Variants in ZNF644 observed in about 807,000 individuals in gnomAD.
ZNF644 encodes zinc finger motif enhancer binding protein 2.
Under a neutral mutation model 108.0 loss-of-function variants are expected in ZNF644, and 20 were observed. The observed-to-expected ratio is 0.19, with a 90% confidence interval of 0.13 to 0.27. The LOEUF (loss-of-function observed/expected upper bound fraction) is 0.27. Ranked by LOEUF, ZNF644 falls within the 10% of genes least tolerant of loss-of-function variation. ZNF644 has a pLI of 1.00. For missense variants in ZNF644, 1,338 were observed against 1,548.9 expected (o/e 0.86, Z 2.29); for synonymous variants, 542 against 539.1 (o/e 1.01, Z -0.08).
In ZNF644 at chr1:90,940,939, T is replaced by C. The variant is rs773058520; in HGVS notation, c.415A>G (p.Thr139Ala). ...SNMNKGSVSL[T>A]TGQPVDQPTT... ...GGCTGATCCACAGGCTGTCCAGTGG[T>C]TAATGAAACACTGCCTTTATTCATA... The change falls in exon 3 of 6, where the codon ACC becomes GCC. Residue 139 changes from threonine to alanine, a missense_variant. By Grantham distance (58) the Thr-to-Ala change is moderately conservative. Transcript: ENST00000337393. The C allele has an allele frequency of 1.2e-6, 2 of 1,613,948 alleles. No individual in the cohort carries two copies. Among genetic ancestry groups the C allele is most frequent in the African/African-American group, 2.7e-5 (2 of 74,906 alleles).
At chr1:90,964,325 T>C (rs1570448378) in intron 2 of ZNF644, among the ~76,000 whole-genome samples, 1 of 152,138 alleles carries the variant, frequency 6.6e-6, no homozygotes, top group East Asian at 1.9e-4. Flanking sequence ...TTTCTAATAT[T>C]AAAAATCTAT....
At chr1:90,972,886 G>C (rs1375566876) in intron 2 of ZNF644, 1 of 152,172 alleles carries the variant, frequency 6.6e-6, no homozygotes, top group African/African-American at 2.4e-5. Flanking sequence ...ATATGATTCT[G>C]CTTATGAGAC....
chr1:90,982,515 A>T, intron 1 of ZNF644, 145 bp from the exon 2 acceptor site: 1 of 610,934 alleles, frequency 1.6e-6, no homozygotes, highest in Non-Finnish European at 2.9e-6. Flanking sequence ...ATTCAACCAG[A>T]ATACCATCAT....
intron 1 of ZNF644, chr1:91,021,643 C>CG (rs984151869): frequency 7.0e-6 from 1 of 142,772 alleles, no homozygotes; most frequent in Admixed American, 6.9e-5. Context: ...AGCCCCCCCC[C>CG]CATCCCCCCG....
rs562717573 is a variant in ZNF644, at chr1:90,987,078, C to A, written c.-17-4708G>T. Among the ~76,000 whole-genome samples the A allele has an allele frequency of 3.0e-4, 42 of 141,046 alleles. 1 individual carries two copies. Among genetic ancestry groups the A allele is most frequent in the Admixed American group, 1.1e-3 (16 of 14,336 alleles). The allele number at this position is 141,046 out of a possible 152,430, so 92.5% of individuals were successfully genotyped here. A position where few individuals can be genotyped will look rare whatever the true frequency, so the allele number is the denominator to read the frequency against. ...CTTACATGTTTAAAAAAAAAAAAAA[C>A]CCACAAATCAACAACCTAACTTTAT... On this transcript the variant is annotated intron_variant, in intron 1 of 5. Transcript: ENST00000337393.
At chr1:91,012,903 T>A (rs948195905) in intron 1 of ZNF644, among the ~76,000 whole-genome samples, 2 of 152,158 alleles carry the variant, frequency 1.3e-5, no homozygotes, top group Non-Finnish European at 2.9e-5. Flanking sequence ...TTTTCTCAAT[T>A]CTCATCCTTC....
At chr1:90,984,435 C>CTT (rs111725394) in intron 1 of ZNF644, among the ~76,000 whole-genome samples, 2 of 144,794 alleles carry the variant, frequency 1.4e-5, no homozygotes, top group African/African-American at 2.5e-5. Flanking sequence ...TGACTGGTGT[C>CTT]TTTTTTTTTT....
intron 1 of ZNF644, among the ~76,000 whole-genome samples, chr1:90,987,463 T>C (rs749345262): frequency 1.3e-5 from 2 of 151,884 alleles, no homozygotes; most frequent in Non-Finnish European, 2.9e-5. Context: ...AATGTACACC[T>C]AGCAAAACGA....
chr1:90,934,639 T>A (rs923627392), intron 4 of ZNF644, among the ~76,000 whole-genome samples: 1 of 152,136 alleles, frequency 6.6e-6, no homozygotes, highest in Admixed American at 6.6e-5. Flanking sequence ...ATCTGCAAGG[T>A]TGGGCTAACC....
chr1:90,940,540 T>C lies in ZNF644; in HGVS notation c.814A>G (p.Asn272Asp), dbSNP rs771569791. ...GGAGCTTTATCTACTGTTTCCTCAT[T>C]AGTCATAAGAAATTGAATGAACTCT... ...QKEFIQFLMT[N>D]EETVDKAPPH... Residue 272 changes from asparagine (N) to aspartate (D), a missense_variant, in exon 3 of 6, where the codon AAT becomes GAT. Asn to Asp is a conservative substitution (Grantham distance 23). Around this residue, in one of 6 missense-constraint regions of ZNF644, gnomAD observed 464 missense variants for 457.9 expected, o/e 1.01. Transcript: ENST00000337393. The C allele has an allele frequency of 6.2e-7, 1 of 1,614,008 alleles. No individual in the cohort carries two copies. Among genetic ancestry groups the C allele is most frequent in the Non-Finnish European group, 8.5e-7 (1 of 1,179,960 alleles).
At chr1:90,937,133 T>C (rs557746689) in intron 4 of ZNF644, among the ~76,000 whole-genome samples, 1 of 152,286 alleles carries the variant, frequency 6.6e-6, no homozygotes, top group South Asian at 2.1e-4. Flanking sequence ...TGCTATGCTT[T>C]TGAACATCAA....
chr1:91,012,378 T>G (rs1336890366), intron 1 of ZNF644, among the ~76,000 whole-genome samples: 4 of 149,984 alleles, frequency 2.7e-5, no homozygotes, highest in Non-Finnish European at 5.9e-5. Flanking sequence ...CTCAGGAAGC[T>G]GAAGGAGGAG....
chr1:90,946,959 ACTAAATATAAT>A (rs1170870042), intron 2 of ZNF644, among the ~76,000 whole-genome samples: 2 of 152,308 alleles, frequency 1.3e-5, no homozygotes, highest in Non-Finnish European at 2.9e-5. Flanking sequence ...TATAGTAAAT[ACTAAATATAAT>A]CTAACACATC....
chr1:90,930,812 C>T (rs2100866666), intron 4 of ZNF644, among the ~76,000 whole-genome samples: 1 of 152,274 alleles, frequency 6.6e-6, no homozygotes, highest in Non-Finnish European at 1.5e-5. Context: ...CAAAAGATAA[C>T]AACATGCTAT....
At chr1:91,011,873 C>A (rs1659983578) in intron 1 of ZNF644, among the ~76,000 whole-genome samples, 1 of 152,154 alleles carries the variant, frequency 6.6e-6, no homozygotes, top group South Asian at 2.1e-4. Flanking sequence ...CTGGAAGCTA[C>A]CATCAAAGAG....
intron 1 of ZNF644, chr1:91,021,708 AG>A (rs1297143355): frequency 3.2e-5 from 3 of 93,710 alleles, no homozygotes; most frequent in Non-Finnish European, 5.8e-5. Context: ...CGTGGCCCCC[AG>A]CGACCGCCGC....
intron 1 of ZNF644, among the ~76,000 whole-genome samples, chr1:91,004,879 T>C (rs1476682727): frequency 6.6e-6 from 1 of 152,056 alleles, no homozygotes; most frequent in African/African-American, 2.4e-5. Flanking sequence ...CTTGAAAATA[T>C]CTATTTAACA....
chr1:90,995,281 TAG>T (rs1658043207), intron 1 of ZNF644, among the ~76,000 whole-genome samples: 2 of 151,786 alleles, frequency 1.3e-5, no homozygotes, highest in African/African-American at 4.8e-5. Flanking sequence ...AACAGAAGAT[TAG>T]AGATAGCAGA....
chr1:90,938,316 A>T lies in ZNF644; in HGVS notation c.3038T>A (p.Phe1013Tyr). ...AGGTGTTCCTGTGCCAGTTCTTTTG[A>T]AATGCTGCATTTTGTCACTTGTGGC... ...QIATSDKMQH[F>Y]KRTGTGTPVK... Residue 1013 changes from phenylalanine (F) to tyrosine (Y), a missense_variant, in exon 3 of 6, where the codon TTC (phenylalanine) becomes TAC (tyrosine). Coordinates refer to ENST00000337393, the MANE Select transcript of ZNF644 (RefSeq NM_201269.3). This position sits in a 1 kb window ranked among gnomAD's most constrained non-coding sequence, Gnocchi z 4.2. The T allele has an allele frequency of 1.2e-6, 2 of 1,613,978 alleles. No individual in the cohort carries two copies. The highest frequency in any genetic ancestry group is 8.5e-7 in the Non-Finnish European group (1 of 1,179,912).
Sources: gnomAD v4.1 joint callset for allele counts (sites outside exome capture counted in the v4.1 genomes callset) on GRCh38, gnomAD v4.1.1 for gene constraint, gnomAD v4.1.1 regional missense constraint, Gnocchi (gnomAD v3.1) non-coding constraint, MANE v1.5 for transcripts, NCBI Gene and HGNC (gene_info 2026-07-23, HGNC 2026-07-21) for gene names.